YAP1: variants seen among roughly 807,000 people sequenced by gnomAD.
YAP1 encodes the protein transcriptional coactivator YAP1.
Under a neutral mutation model 56.9 loss-of-function variants are expected in YAP1, and 5 were observed. That is an observed-to-expected ratio of 0.09 (90% CI 0.05 to 0.18). The LOEUF (loss-of-function observed/expected upper bound fraction) is 0.18, where lower values mean the gene tolerates loss of function less well. Among genes scored for constraint, YAP1 ranks in the 10% least tolerant of loss-of-function variants. The pLI is 1.00. For synonymous variants in YAP1, 265 were observed against 248.1 expected (o/e 1.07, Z -0.64); for missense variants, 539 against 651.8 (o/e 0.83, Z 1.88).
intron 6 of YAP1, among the ~76,000 whole-genome samples, chr11:102,218,442 ATAGTC>A (rs1488380170): frequency 6.6e-6 from 1 of 152,256 alleles, no homozygotes; most frequent in East Asian, 1.9e-4. Context: ...GGCAAGAAAA[ATAGTC>A]TATATATGTT....
intron 6 of YAP1, among the ~76,000 whole-genome samples, chr11:102,220,926 G>T (rs1324671370): frequency 1.3e-5 from 2 of 152,198 alleles, no homozygotes; most frequent in African/African-American, 2.4e-5. Flanking sequence ...CCAATGTGAT[G>T]AATGCAGTTG....
chr11:102,154,782 G>A (rs1481507148), intron 2 of YAP1, among the ~76,000 whole-genome samples: 1 of 152,016 alleles, frequency 6.6e-6, no homozygotes, highest in Non-Finnish European at 1.5e-5. Flanking sequence ...TTACTTATTG[G>A]TAATTTAACA....
intron 6 of YAP1, among the ~76,000 whole-genome samples, chr11:102,221,056 A>C (rs928583875): frequency 2.6e-5 from 4 of 152,184 alleles, no homozygotes; most frequent in Non-Finnish European, 5.9e-5. Context: ...AGTGGAGATG[A>C]AGGTCACTGG....
chr11:102,219,170 A>G (rs1316157551), intron 6 of YAP1, among the ~76,000 whole-genome samples: 2 of 152,222 alleles, frequency 1.3e-5, no homozygotes, highest in Non-Finnish European at 2.9e-5. Context: ...ACAGAACCCT[A>G]GGCATCAGCC....
At chr11:102,199,917 A>G (rs1387414354) in intron 4 of YAP1, among the ~76,000 whole-genome samples, 3 of 152,266 alleles carry the variant, frequency 2.0e-5, no homozygotes, top group Non-Finnish European at 4.4e-5. Context: ...CAAATTGTCT[A>G]GAATCAATAT....
intron 4 of YAP1, among the ~76,000 whole-genome samples, chr11:102,187,814 C>G (rs1028403767): frequency 6.6e-6 from 1 of 152,166 alleles, no homozygotes; most frequent in African/African-American, 2.4e-5. Context: ...CACTACCACC[C>G]TCCAGCACGT....
chr11:102,155,803 T>C lies in YAP1; in HGVS notation c.573-6653T>C, dbSNP rs75823618. Among the ~76,000 whole-genome samples the C allele has an allele frequency of 8.8e-3, 1,346 of 152,328 alleles. 21 individuals are homozygous for C. Among genetic ancestry groups the C allele is most frequent in the African/African-American group, 0.031 (1,272 of 41,560 alleles). On this transcript the variant is annotated intron_variant, in intron 2 of 8. Coordinates refer to ENST00000282441, the MANE Select transcript of YAP1 (RefSeq NM_001130145.3). ...AATGTCACCATAAATATACAGTGAA[T>C]GTGGTTCCAGATTTGTAACTAGATT... is the stretch of plus-strand genomic sequence containing the variant.
rs1949729140 is a variant in YAP1, at chr11:102,217,731, C to G, written c.1033-5891C>G. 1.3e-5 allele frequency among the ~76,000 whole-genome samples: 2 copies of G among 151,750 alleles called. 1 individual carries two copies. Among genetic ancestry groups the G allele is most frequent in the South Asian group, 4.2e-4 (2 of 4,804 alleles). On this transcript the variant is annotated intron_variant, in intron 6 of 8. Coordinates refer to ENST00000282441, the MANE Select transcript of YAP1 (RefSeq NM_001130145.3). Reference sequence around the variant, plus strand: ...TTGAGATGGAGGTTCGTTCTTATTGCCCAGGTTGGAGTGCAATGGCGCAAT... The same window carrying G: ...TTGAGATGGAGGTTCGTTCTTATTGGCCAGGTTGGAGTGCAATGGCGCAAT...
In YAP1 at chr11:102,227,454, G is replaced by A. The variant is rs1453928845; in HGVS notation, c.1164-15G>A. ...AAATTTTTTGTGTTGGTCTTTAACT[G>A]TCATGTTTATGTAGTGGCACCTATC... On this transcript the variant is annotated splice_polypyrimidine_tract_variant and intron_variant, in intron 7 of 8. Coordinates refer to ENST00000282441, the MANE Select transcript of YAP1 (RefSeq NM_001130145.3). The A allele has an allele frequency of 1.3e-6, 2 of 1,594,082 alleles. No homozygotes were observed. The highest frequency in any genetic ancestry group is 2.2e-5 in the East Asian group (1 of 44,758).
In YAP1 at chr11:102,192,734, G is replaced by A. The variant is rs79292848; in HGVS notation, c.802+6603G>A. The stretch of plus-strand genomic sequence containing the variant: ...TCTTGCTTAAGGTTACTTCTCAATA[G>A]CCTTTTTGATTTGAGTGCATTGAGG... On this transcript the variant is annotated intron_variant, in intron 4 of 8. Coordinates refer to ENST00000282441, the MANE Select transcript of YAP1 (RefSeq NM_001130145.3). 1.2e-3 allele frequency among the ~76,000 whole-genome samples: 186 copies of A among 152,294 alleles called. 3 individuals are homozygous for A. In the East Asian group the frequency reaches 0.027, roughly 22 times the overall value.
intron 4 of YAP1, among the ~76,000 whole-genome samples, chr11:102,198,828 T>C (rs1948699549): frequency 6.6e-6 from 1 of 152,196 alleles, no homozygotes; most frequent in Non-Finnish European, 1.5e-5. Context: ...AGTGTTGTAT[T>C]GAAACACCGA....
intron 2 of YAP1, among the ~76,000 whole-genome samples, chr11:102,145,327 C>G (rs1405139525): frequency 3.3e-5 from 5 of 152,070 alleles, no homozygotes; most frequent in Non-Finnish European, 7.4e-5. Flanking sequence ...GCAAGTATTT[C>G]TTTGTAGGGA....
chr11:102,180,633 G>T, intron 3 of YAP1, among the ~76,000 whole-genome samples: 1 of 126,070 alleles, frequency 7.9e-6, no homozygotes, highest in East Asian at 2.5e-4. Flanking sequence ...AGTGAGCCGA[G>T]ATCATGCCAC....
rs774444052 is a variant in YAP1, at chr11:102,205,875, T to C, written c.803-18T>C. The C allele has an allele frequency of 6.8e-7, 1 of 1,478,280 alleles. No homozygotes were observed. The highest frequency in any genetic ancestry group is 1.4e-5 in the African/African-American group (1 of 70,178). The allele number at this position is 1,478,280 out of a possible 1,614,324, so 91.6% of individuals were successfully genotyped here. ...CACTAGTTTTTTAGGACAGATTTTT[T>C]TTTTCTTTTCATTTCAGCCATGAAC... On this transcript the variant is annotated intron_variant, in intron 4 of 8. Transcript: ENST00000282441.
At chr11:102,202,433 C>A in intron 4 of YAP1, among the ~76,000 whole-genome samples, 1 of 151,038 alleles carries the variant, frequency 6.6e-6, no homozygotes, top group Non-Finnish European at 1.5e-5. Flanking sequence ...CCTGTCTCGG[C>A]CTCCCCAAGT....
intron 6 of YAP1, 73 bp downstream of exon 6, chr11:102,209,637 C>T (rs1462859827): frequency 2.2e-6 from 3 of 1,369,654 alleles, no homozygotes; most frequent in South Asian, 2.7e-5. Context: ...GAGAAACTTA[C>T]ATTCCAGGGT....
At chr11:102,152,553 A>G (rs1298667121) in intron 2 of YAP1, among the ~76,000 whole-genome samples, 1 of 152,230 alleles carries the variant, frequency 6.6e-6, no homozygotes, top group African/African-American at 2.4e-5. Flanking sequence ...TTCTTTGTGT[A>G]TAAAATGAAA....
chr11:102,202,724 G>T (rs1193032166), intron 4 of YAP1, among the ~76,000 whole-genome samples: 1 of 152,032 alleles, frequency 6.6e-6, no homozygotes, highest in Non-Finnish European at 1.5e-5. Context: ...ATGGGTTTAG[G>T]TTTAAAAAAA....
chr11:102,178,803 G>T (rs1947416183), intron 3 of YAP1, among the ~76,000 whole-genome samples: 1 of 152,146 alleles, frequency 6.6e-6, no homozygotes, highest in Non-Finnish European at 1.5e-5. Flanking sequence ...ATAAAGAAAG[G>T]TTTAATTTGG....
Sources: gnomAD v4.1 joint callset for allele counts (sites outside exome capture counted in the v4.1 genomes callset) on GRCh38, gnomAD v4.1.1 for gene constraint, MANE v1.5 for transcripts, NCBI Gene and HGNC (gene_info 2026-07-23, HGNC 2026-07-21) for gene names.